CAMK4: variants seen among roughly 807,000 people sequenced by gnomAD.
CAMK4 encodes calcium/calmodulin-dependent protein kinase type IV.
Under a neutral mutation model 44.9 loss-of-function variants are expected in CAMK4, and 22 were observed. That is an observed-to-expected ratio of 0.49 (90% CI 0.35 to 0.70). CAMK4 has a LOEUF of 0.70. Among genes scored for constraint, CAMK4 ranks in the 30% least tolerant of loss-of-function variants. The pLI, the probability that CAMK4 is intolerant of heterozygous loss-of-function variation, is 0.01. For synonymous variants in CAMK4, 218 were observed against 215.4 expected (o/e 1.01, Z -0.11); for missense variants, 498 against 586.8 (o/e 0.85, Z 1.56).
intron 5 of CAMK4, among the ~76,000 whole-genome samples, chr5:111,419,801 A>G (rs1043184267): frequency 6.6e-6 from 1 of 152,098 alleles, no homozygotes; most frequent in Non-Finnish European, 1.5e-5. Flanking sequence ...CCATTGATCT[A>G]TATCTCTGTT....
At chr5:111,334,300 C>G (rs986158958) in intron 1 of CAMK4, among the ~76,000 whole-genome samples, 3 of 151,516 alleles carry the variant, frequency 2.0e-5, no homozygotes, top group Non-Finnish European at 4.4e-5. Flanking sequence ...TAGCTTTCCT[C>G]CAGTTGTTTG....
chr5:111,421,211 T>C (rs1172382420), intron 5 of CAMK4, among the ~76,000 whole-genome samples: 3 of 152,240 alleles, frequency 2.0e-5, no homozygotes, highest in Non-Finnish European at 4.4e-5. Flanking sequence ...CAACAATATC[T>C]GCATTCCTCA....
chr5:111,273,041 G>C (rs981418900), intron 1 of CAMK4, among the ~76,000 whole-genome samples: 30 of 152,072 alleles, frequency 2.0e-4, no homozygotes, highest in African/African-American at 7.0e-4. Context: ...TTGTTGTAAA[G>C]GGATGCCTCA....
intron 1 of CAMK4, among the ~76,000 whole-genome samples, chr5:111,276,079 T>A (rs1750748362): frequency 6.6e-6 from 1 of 152,198 alleles, no homozygotes; most frequent in South Asian, 2.1e-4. Flanking sequence ...AAATCCCTCA[T>A]TCCTTTGATT....
In CAMK4 at chr5:111,449,175, G is replaced by T; in HGVS notation, c.597G>T (p.Lys199Asn). The change falls in exon 7 of 11, where the codon AAG becomes AAT. Residue 199 changes from lysine (K) to asparagine (N), a missense_variant. Physicochemically the swap from Lys to Asn is moderately conservative, Grantham distance 94. This residue lies in a region of CAMK4 where 203 missense variants were observed against 298.2 expected (regional missense o/e 0.68). Transcript: ENST00000282356. ...SKIVEHQVLM[K>N]TVCGTPGYCA... is the part of the protein sequence containing the mutation. The stretch of plus-strand genomic sequence containing the variant: ...TTGTGGAACATCAAGTGCTCATGAA[G>T]ACAGTATGTGGAACCCCAGGGTACT... The T allele has an allele frequency of 6.3e-7, 1 of 1,576,830 alleles. No individual in the cohort carries two copies. The highest frequency in any genetic ancestry group is 8.7e-7 in the Non-Finnish European group (1 of 1,148,586).
At chr5:111,410,724 T>C (rs1030410743) in intron 5 of CAMK4, among the ~76,000 whole-genome samples, 23 of 152,184 alleles carry the variant, frequency 1.5e-4, no homozygotes, top group African/African-American at 5.5e-4. Flanking sequence ...TGGTAATGGC[T>C]AATTCAGGAG....
chr5:111,373,331 A>G (rs979821567), intron 2 of CAMK4, among the ~76,000 whole-genome samples: 1 of 152,150 alleles, frequency 6.6e-6, no homozygotes. Context: ...TCCATCTCAT[A>G]AAAACTAAAG....
At chr5:111,273,554 A>G (rs1285477520) in intron 1 of CAMK4, among the ~76,000 whole-genome samples, 1 of 150,712 alleles carries the variant, frequency 6.6e-6, no homozygotes, top group Non-Finnish European at 1.5e-5. Context: ...CATAATAAAG[A>G]AATTTAAAAG....
intron 1 of CAMK4, among the ~76,000 whole-genome samples, chr5:111,238,724 G>A (rs779916597): frequency 3.5e-5 from 5 of 144,418 alleles, no homozygotes; most frequent in Non-Finnish European, 6.0e-5. Context: ...ACTGGGTAAA[G>A]GAGGCCAGAA....
At chr5:111,371,783 A>T (rs1414198186) in intron 2 of CAMK4, among the ~76,000 whole-genome samples, 1 of 152,186 alleles carries the variant, frequency 6.6e-6, no homozygotes, top group African/African-American at 2.4e-5. Flanking sequence ...ATGTCAGTAA[A>T]TTATTTATCC....
intron 1 of CAMK4, among the ~76,000 whole-genome samples, chr5:111,280,628 C>G (rs1053676878): frequency 2.0e-5 from 3 of 152,190 alleles, no homozygotes; most frequent in Non-Finnish European, 2.9e-5. Flanking sequence ...TCTAGGCTAG[C>G]TGACCTAGAT....
chr5:111,346,484 AT>A (rs1561428433), intron 2 of CAMK4, among the ~76,000 whole-genome samples: 1 of 56,528 alleles, frequency 1.8e-5, no homozygotes, highest in African/African-American at 6.7e-5. Flanking sequence ...TTGAAACTTT[AT>A]CTATCTATCT....
chr5:111,332,208 C>T (rs978252026), intron 1 of CAMK4, among the ~76,000 whole-genome samples: 2 of 146,840 alleles, frequency 1.4e-5, no homozygotes, highest in Non-Finnish European at 3.0e-5. Flanking sequence ...TTAGGTATAT[C>T]TCCTAATGCT....
intron 1 of CAMK4, among the ~76,000 whole-genome samples, chr5:111,329,843 T>C (rs1465527792): frequency 1.3e-5 from 2 of 151,898 alleles, no homozygotes; most frequent in African/African-American, 2.4e-5. Context: ...GGAATTTTCT[T>C]AATTTGACAA....
intron 4 of CAMK4, among the ~76,000 whole-genome samples, chr5:111,377,432 A>G: frequency 7.5e-6 from 1 of 134,130 alleles, no homozygotes; most frequent in East Asian, 2.3e-4. Context: ...CAAAGTAAAC[A>G]TGTTCTGTTA....
intron 1 of CAMK4, among the ~76,000 whole-genome samples, chr5:111,313,158 AG>A (rs1748281708): frequency 1.3e-5 from 2 of 151,946 alleles, no homozygotes; most frequent in South Asian, 4.1e-4. Context: ...TCTGCAGGAG[AG>A]GGGGTCATCC....
In CAMK4 at chr5:111,321,444, A is replaced by T. The variant is rs1021210427; in HGVS notation, c.162-22580A>T. Among the ~76,000 whole-genome samples the T allele has an allele frequency of 1.5e-4, 22 of 150,408 alleles. 2 individuals are homozygous for T. Among genetic ancestry groups the T allele is most frequent in the African/African-American group, 5.5e-4 (22 of 39,848 alleles). ...CTTGCCTCTGCTAAGCCTCTTGTTGAAGGAGTAATTTTCTGAACTTTTAAT... is the reference window on the plus strand; with the variant it reads ...CTTGCCTCTGCTAAGCCTCTTGTTGTAGGAGTAATTTTCTGAACTTTTAAT... On this transcript the variant is annotated intron_variant, in intron 1 of 10. Transcript: ENST00000282356.
At chr5:111,254,032 C>T (rs746569676) in intron 1 of CAMK4, among the ~76,000 whole-genome samples, 1 of 152,060 alleles carries the variant, frequency 6.6e-6, no homozygotes, top group Non-Finnish European at 1.5e-5. Flanking sequence ...GGTAAAACTA[C>T]CATAGTTTAA....
chr5:111,428,625 A>C (rs1005188912), intron 5 of CAMK4, among the ~76,000 whole-genome samples: 2 of 152,254 alleles, frequency 1.3e-5, no homozygotes, highest in Admixed American at 1.3e-4. Context: ...TAATAGCAGA[A>C]TGAATCAATC....
Sources: allele counts gnomAD v4.1 joint callset (sites outside exome capture counted in the v4.1 genomes callset), GRCh38; gene constraint gnomAD v4.1.1; regional missense constraint gnomAD v4.1.1; transcripts MANE v1.5; gene names NCBI Gene and HGNC (gene_info 2026-07-23, HGNC 2026-07-21).